The following NAA50 variants were observed in gnomAD, a reference collection of about 807,000 sequenced individuals.
NAA50 encodes the protein N-alpha-acetyltransferase 50.
A neutral mutation model predicts 20.7 loss-of-function variants in NAA50; 7 were observed. That is an observed-to-expected ratio of 0.34 (90% CI 0.19 to 0.63). NAA50 has a LOEUF of 0.63. Ranked by LOEUF, NAA50 falls within the 30% of genes least tolerant of loss-of-function variation. NAA50 has a pLI of 0.75. For missense variants in NAA50, 111 were observed against 199.1 expected, an observed-to-expected ratio of 0.56 and a Z score of 2.66; for synonymous variants, 54 against 70.6, an observed-to-expected ratio of 0.77 and a Z score of 1.18.
chr3:113,729,789 C>A (rs1281123388), intron 1 of NAA50, among the ~76,000 whole-genome samples: 2 of 151,962 alleles, frequency 1.3e-5, no homozygotes, highest in Non-Finnish European at 2.9e-5. Flanking sequence ...AACTCCTGAA[C>A]TCAAGCAATC....
rs562598241 is a variant in NAA50, at chr3:113,716,740, G to C, written c.*5020C>G. The C allele has an allele frequency of 6.6e-4, 100 of 152,290 alleles. No homozygotes were observed. The highest frequency in any genetic ancestry group is 2.3e-3 in the African/African-American group (94 of 41,550). The allele number at this position is 152,290 out of a possible 1,614,324, so 9.4% of individuals were successfully genotyped here. On this transcript the variant is annotated 3_prime_UTR_variant, in exon 5 of 5. Transcript: ENST00000240922. Reference sequence around the variant, plus strand: ...AGGACAGTAAAACAAGTAAAACTGGGATGAAATTAAAGCTATGTGGCAAAT... The same window carrying C: ...AGGACAGTAAAACAAGTAAAACTGGCATGAAATTAAAGCTATGTGGCAAAT...
At chr3:113,731,852 G>C (rs999647560) in intron 1 of NAA50, among the ~76,000 whole-genome samples, 9 of 152,054 alleles carry the variant, frequency 5.9e-5, no homozygotes, top group African/African-American at 1.7e-4. Flanking sequence ...ACCACATTTT[G>C]TTTATTCATT....
rs896595108 is a variant in NAA50, at chr3:113,717,497, C to T, written c.*4263G>A. ...CACACATTAAGAAATCTGACTCAAG[C>T]TCTTTTTCCCATGTGACTATGTTAC... On this transcript the variant is annotated 3_prime_UTR_variant, in exon 5 of 5. Coordinates refer to ENST00000240922, the MANE Select transcript of NAA50 (RefSeq NM_025146.4). 1 of 152,178 alleles carries T rather than the reference C, an allele frequency of 6.6e-6. No homozygotes were observed. Among genetic ancestry groups the T allele is most frequent in the African/African-American group, 2.4e-5 (1 of 41,450 alleles). The allele number at this position is 152,178 out of a possible 1,614,324, so 9.4% of individuals were successfully genotyped here. A position where few individuals can be genotyped will look rare whatever the true frequency, so the allele number is the denominator to read the frequency against.
intron 1 of NAA50, among the ~76,000 whole-genome samples, chr3:113,727,352 G>C (rs1049468542): frequency 6.6e-6 from 1 of 152,158 alleles, no homozygotes; most frequent in African/African-American, 2.4e-5. Flanking sequence ...ATAAATGAAA[G>C]AACTTGAGGT....
chr3:113,746,047 C>T lies in NAA50; in HGVS notation c.-98G>A, dbSNP rs1429379321. ...ACCCTTAGCTCGGGCCACTCAACCC[C>T]GCAAGCCGGCCTCCTAGCCTGGGCA... On this transcript the variant is annotated 5_prime_UTR_variant, in exon 1 of 5. Coordinates refer to ENST00000240922, the MANE Select transcript of NAA50 (RefSeq NM_025146.4). The T allele has an allele frequency of 5.3e-6, 8 of 1,512,318 alleles. No homozygotes were observed. The highest frequency in any genetic ancestry group is 1.7e-4 in the Middle Eastern group (1 of 5,924). 93.7% of individuals were successfully genotyped at this position (1,512,318 alleles called of 1,614,324 possible).
chr3:113,728,317 T>C (rs1708226424), intron 1 of NAA50, among the ~76,000 whole-genome samples: 1 of 152,242 alleles, frequency 6.6e-6, no homozygotes, highest in South Asian at 2.1e-4. Flanking sequence ...ATCAATTATA[T>C]TTCAATAAAT....
intron 1 of NAA50, among the ~76,000 whole-genome samples, chr3:113,726,563 G>A (rs1015036977): frequency 1.3e-5 from 2 of 151,798 alleles, no homozygotes; most frequent in Non-Finnish European, 2.9e-5. Context: ...GGCCAATATG[G>A]TGAAACTCTG....
In NAA50 at chr3:113,719,967, T is replaced by C. The variant is rs1708112738; in HGVS notation, c.*1793A>G. On this transcript the variant is annotated 3_prime_UTR_variant, in exon 5 of 5. Coordinates refer to ENST00000240922, the MANE Select transcript of NAA50 (RefSeq NM_025146.4). Reference sequence around the variant, plus strand: ...TTGCCAAGAGCAAGCTGAAGCTTATTCATGAAGATAAAGGTGCTTAACGCT... The same window carrying C: ...TTGCCAAGAGCAAGCTGAAGCTTATCCATGAAGATAAAGGTGCTTAACGCT... 6.5e-6 allele frequency: 1 copy of C among 152,678 alleles called. No homozygotes were observed. The highest frequency in any genetic ancestry group is 2.4e-5 in the African/African-American group (1 of 41,480). The allele number at this position is 152,678 out of a possible 1,614,324, so 9.5% of individuals were successfully genotyped here.
At chr3:113,723,762 A>T (rs1397057126) in intron 2 of NAA50, among the ~76,000 whole-genome samples, 197 bp downstream of exon 2, 1 of 152,198 alleles carries the variant, frequency 6.6e-6, no homozygotes, top group Non-Finnish European at 1.5e-5. Flanking sequence ...AAGAACACTA[A>T]GCATTTCTTT....
intron 1 of NAA50, among the ~76,000 whole-genome samples, chr3:113,743,142 TACA>T (rs1708440263): frequency 6.6e-6 from 1 of 152,120 alleles, no homozygotes; most frequent in Non-Finnish European, 1.5e-5. Context: ...GACATGCCAA[TACA>T]ATGGAAAGTC....
chr3:113,746,212 T>G lies in NAA50; in HGVS notation c.-263A>C. 2.3e-6 allele frequency: 1 copy of G among 439,634 alleles called. No homozygotes were observed. 27.2% of individuals were successfully genotyped at this position (439,634 alleles called of 1,614,324 possible). Reference sequence around the variant, plus strand: ...GGGTCTCTCGGCTCCCTCCCGCCGCTGCCGCCAGCCAGACCCGCTGCCGCG... The same window carrying G: ...GGGTCTCTCGGCTCCCTCCCGCCGCGGCCGCCAGCCAGACCCGCTGCCGCG... On this transcript the variant is annotated 5_prime_UTR_variant, in exon 1 of 5. Coordinates refer to ENST00000240922, the MANE Select transcript of NAA50 (RefSeq NM_025146.4).
chr3:113,740,468 G>A (rs1055032218), intron 1 of NAA50, among the ~76,000 whole-genome samples: 1 of 152,184 alleles, frequency 6.6e-6, no homozygotes, highest in Non-Finnish European at 1.5e-5. Flanking sequence ...CTAAGCTCAA[G>A]TGATTTTCCC....
intron 1 of NAA50, among the ~76,000 whole-genome samples, chr3:113,743,357 T>C (rs1466580827): frequency 2.6e-5 from 4 of 152,288 alleles, no homozygotes; most frequent in Middle Eastern, 6.8e-3. Flanking sequence ...ATAGAATACT[T>C]AGCAAATAAA....
chr3:113,728,609 C>T (rs571934227), intron 1 of NAA50, among the ~76,000 whole-genome samples: 13 of 152,114 alleles, frequency 8.5e-5, no homozygotes, highest in East Asian at 1.9e-4. Context: ...TGTATAAATG[C>T]GGAAGCTGAA....
intron 1 of NAA50, among the ~76,000 whole-genome samples, chr3:113,734,362 A>G (rs976492890): frequency 2.0e-5 from 3 of 152,098 alleles, no homozygotes; most frequent in African/African-American, 7.2e-5. Flanking sequence ...CATGCTCACT[A>G]CCCAGGTGAC....
In NAA50 at chr3:113,719,775, A is replaced by G. The variant is rs1471651900; in HGVS notation, c.*1985T>C. On this transcript the variant is annotated 3_prime_UTR_variant, in exon 5 of 5. Coordinates refer to ENST00000240922, the MANE Select transcript of NAA50 (RefSeq NM_025146.4). ...AATAACCACATTTAGGGATACATTC[A>G]TAGGACTGATTAGATAGTCCAGGTG... 2.6e-5 allele frequency: 4 copies of G among 152,640 alleles called. No homozygotes were observed. Among genetic ancestry groups the G allele is most frequent in the Non-Finnish European group, 5.9e-5 (4 of 68,004 alleles). The allele number at this position is 152,640 out of a possible 1,614,324, so 9.5% of individuals were successfully genotyped here. A position where few individuals can be genotyped will look rare whatever the true frequency, so the allele number is the denominator to read the frequency against.
At chr3:113,724,381 T>G (rs776309680) in intron 1 of NAA50, among the ~76,000 whole-genome samples, 23 of 152,334 alleles carry the variant, frequency 1.5e-4, no homozygotes, top group Middle Eastern at 6.8e-3. Context: ...TCCTTGTAGT[T>G]CATAGTTCAG....
At chr3:113,729,914 C>T (rs1370466984) in intron 1 of NAA50, among the ~76,000 whole-genome samples, 1 of 151,992 alleles carries the variant, frequency 6.6e-6, no homozygotes, top group South Asian at 2.1e-4. Context: ...TTTCTTTTTA[C>T]TTTTCCTTGT....
At chr3:113,745,638 C>A (rs950212385) in intron 1 of NAA50, 7 of 377,464 alleles carry the variant, frequency 1.9e-5, no homozygotes, top group Non-Finnish European at 2.9e-5. Context: ...AGGCCCCGGG[C>A]GCTTCACAAT....
Sources: gnomAD v4.1 joint callset for allele counts (sites outside exome capture counted in the v4.1 genomes callset) on GRCh38, gnomAD v4.1.1 for gene constraint, MANE v1.5 for transcripts, NCBI Gene and HGNC (gene_info 2026-07-23, HGNC 2026-07-21) for gene names.